Variants in HTR2C observed in about 807,000 individuals in gnomAD.
The protein encoded by HTR2C is 5-hydroxytryptamine (serotonin) receptor 2C, G protein-coupled.
In HTR2C, 5 loss-of-function variants were observed where a neutral mutation model predicts 21.0. That is an observed-to-expected ratio of 0.24 (90% CI 0.12 to 0.50). HTR2C has a LOEUF of 0.50. Among genes scored for constraint, HTR2C ranks in the 20% least tolerant of loss-of-function variants. The pLI is 0.98. For missense variants in HTR2C, 271 were observed against 371.2 expected (o/e 0.73, Z 2.22); for synonymous variants, 150 against 145.3 (o/e 1.03, Z -0.23).
rs782703065 is a variant in HTR2C at position 114,794,692 on chromosome X, C to T, written c.350-53311C>T. Among the ~76,000 whole-genome samples, 419 of 108,592 alleles carry T rather than the reference C, an allele frequency of 3.9e-3. 4 individuals are homozygous for T. The highest frequency in any genetic ancestry group is 0.014 in the African/African-American group (404 of 29,816). The allele number at this position is 108,592 out of a possible 115,157, so 94.3% of individuals were successfully genotyped here. A position where few individuals can be genotyped will look rare whatever the true frequency, so the allele number is the denominator to read the frequency against. On this transcript the variant is annotated intron_variant, in intron 4 of 5. Coordinates refer to ENST00000276198, the MANE Select transcript of HTR2C (RefSeq NM_000868.4). ...GTTTCCAGTTTCATCCATGTCCCTA[C>T]GAAGGACATGAACTCATCATTTTTT...
chrX:114,886,702 T>C (rs1437043212), intron 5 of HTR2C, among the ~76,000 whole-genome samples: 1 of 110,388 alleles, frequency 9.1e-6, no homozygotes, highest in Non-Finnish European at 1.9e-5. Context: ...ACAAGCACAA[T>C]AATATATCAT....
intron 2 of HTR2C, among the ~76,000 whole-genome samples, chrX:114,671,949 A>T (rs1467890304): frequency 8.9e-6 from 1 of 111,888 alleles, no homozygotes; most frequent in Non-Finnish European, 1.9e-5. Flanking sequence ...TGTTCATAGA[A>T]AAATGAATAA....
intron 4 of HTR2C, among the ~76,000 whole-genome samples, chrX:114,795,548 G>A (rs945008600): frequency 1.4e-4 from 16 of 111,610 alleles, no homozygotes; most frequent in Non-Finnish European, 3.0e-4. Flanking sequence ...TGTATAAGGT[G>A]TAAGGAAGGG....
intron 1 of HTR2C, among the ~76,000 whole-genome samples, chrX:114,596,393 G>A (rs1927847659): frequency 8.9e-6 from 1 of 112,036 alleles, no homozygotes; most frequent in Non-Finnish European, 1.9e-5. Flanking sequence ...TGAGTTTATG[G>A]TTTAGCTTCA....
intron 2 of HTR2C, among the ~76,000 whole-genome samples, chrX:114,705,893 C>G (rs1371684023): frequency 1.6e-5 from 1 of 62,642 alleles, no homozygotes; most frequent in Non-Finnish European, 3.1e-5. Context: ...AAAAAGTGGG[C>G]GAAGGACATG....
chrX:114,639,526 G>A (rs782040023), intron 2 of HTR2C: 3 of 113,120 alleles, frequency 2.7e-5, no homozygotes, highest in South Asian at 3.7e-4. Context: ...GATTAATTTC[G>A]TTGGGATAGA....
intron 4 of HTR2C, among the ~76,000 whole-genome samples, chrX:114,838,816 T>C (rs1569498719): frequency 8.9e-6 from 1 of 112,330 alleles, no homozygotes; most frequent in African/African-American, 3.2e-5. Flanking sequence ...CACATTGTTC[T>C]ATGCTCTATG....
intron 5 of HTR2C, among the ~76,000 whole-genome samples, chrX:114,852,670 G>T (rs782820393): frequency 2.7e-5 from 3 of 110,728 alleles, no homozygotes; most frequent in African/African-American, 9.8e-5. Flanking sequence ...ATAATAGATT[G>T]TGTTGATATA....
intron 4 of HTR2C, among the ~76,000 whole-genome samples, chrX:114,820,361 C>A (rs2147458418): frequency 9.2e-6 from 1 of 109,225 alleles, no homozygotes; most frequent in Non-Finnish European, 1.9e-5. Context: ...TATTGGACCC[C>A]TGAAACACAC....
chrX:114,752,359 A>G (rs186379634), intron 4 of HTR2C, among the ~76,000 whole-genome samples: 3 of 111,664 alleles, frequency 2.7e-5, no homozygotes, highest in African/African-American at 9.7e-5. Flanking sequence ...ATTTTTACTT[A>G]CAGCATTATT....
intron 2 of HTR2C, among the ~76,000 whole-genome samples, chrX:114,702,760 A>C (rs1394631549): frequency 2.8e-5 from 3 of 106,314 alleles, no homozygotes; most frequent in African/African-American, 6.8e-5. Flanking sequence ...AAAGACACAG[A>C]CTGGCAAATT....
chrX:114,609,890 G>A (rs1235287079), intron 1 of HTR2C, among the ~76,000 whole-genome samples: 4 of 111,911 alleles, frequency 3.6e-5, no homozygotes, highest in African/African-American at 1.3e-4. Context: ...CCTGGAGCTT[G>A]GAAGGTGGTG....
chrX:114,868,089 C>T (rs1257169351), intron 5 of HTR2C, among the ~76,000 whole-genome samples: 4 of 109,660 alleles, frequency 3.6e-5, no homozygotes, highest in Non-Finnish European at 5.7e-5. Flanking sequence ...CTGTAGATTG[C>T]TTTTGGTAGT....
chrX:114,653,407 TGAG>T (rs782705230), intron 2 of HTR2C, among the ~76,000 whole-genome samples: 1 of 110,842 alleles, frequency 9.0e-6, no homozygotes, highest in South Asian at 3.8e-4. Context: ...GACATCTTTG[TGAG>T]GAGTAGTTGG....
chrX:114,718,684 C>T (rs1443566028), intron 2 of HTR2C, among the ~76,000 whole-genome samples: 1 of 110,089 alleles, frequency 9.1e-6, no homozygotes, highest in Non-Finnish European at 1.9e-5. Context: ...GTGATTTACA[C>T]TGTAGAAAGG....
intron 5 of HTR2C, among the ~76,000 whole-genome samples, chrX:114,898,923 T>C (rs2071316805): frequency 2.7e-5 from 3 of 112,284 alleles, no homozygotes; most frequent in Non-Finnish European, 5.6e-5. Context: ...TTCTAATTCT[T>C]TGAAGAATTT....
At chrX:114,718,349 A>G (rs1313558542) in intron 2 of HTR2C, among the ~76,000 whole-genome samples, 1 of 112,236 alleles carries the variant, frequency 8.9e-6, no homozygotes, top group East Asian at 2.8e-4. Flanking sequence ...TTTATTTCCA[A>G]ATTTCCAGTG....
intron 2 of HTR2C, among the ~76,000 whole-genome samples, chrX:114,623,527 T>C (rs1929246205): frequency 8.9e-6 from 1 of 112,238 alleles, no homozygotes. Context: ...AGGATGTTTT[T>C]TATTTTTAGA....
At chrX:114,902,241 A>G (rs1252161936) in intron 5 of HTR2C, among the ~76,000 whole-genome samples, 1 of 111,868 alleles carries the variant, frequency 8.9e-6, no homozygotes, top group Admixed American at 9.6e-5. Flanking sequence ...CTATTGGTTG[A>G]AATAAAAATG....
Sources: gnomAD v4.1 joint callset for allele counts (sites outside exome capture counted in the v4.1 genomes callset) on GRCh38, gnomAD v4.1.1 for gene constraint, MANE v1.5 for transcripts, NCBI Gene and HGNC (gene_info 2026-07-23, HGNC 2026-07-21) for gene names.